The following TBK1 variants were observed in gnomAD, a reference collection of about 807,000 sequenced individuals.
TBK1 encodes TANK binding kinase 1.
In TBK1, 37 loss-of-function variants were observed where a neutral mutation model predicts 99.9. The ratio of observed to expected loss-of-function variants is 0.37; its 90% CI spans 0.28 to 0.49. TBK1 has a LOEUF of 0.49. TBK1 is among the 20% of genes least tolerant of loss of function. The pLI is 0.98. For synonymous variants in TBK1, 258 were observed against 279.8 expected (o/e 0.92, Z 0.78); for missense variants, 644 against 872.5 (o/e 0.74, Z 3.30).
intron 1 of TBK1, among the ~76,000 whole-genome samples, chr12:64,454,658 C>T (rs2040465126): frequency 7.1e-6 from 1 of 141,012 alleles, no homozygotes; most frequent in Admixed American, 7.2e-5. Context: ...TTGAATATTG[C>T]TAGAAACTCA....
intron 5 of TBK1, among the ~76,000 whole-genome samples, chr12:64,472,786 T>TA (rs561071338): frequency 1.3e-3 from 201 of 152,266 alleles, no homozygotes; most frequent in African/African-American, 4.5e-3. Flanking sequence ...TGAGCTATTT[T>TA]AAAAAAATCA....
intron 3 of TBK1, among the ~76,000 whole-genome samples, chr12:64,463,728 A>G (rs777110049): frequency 6.6e-6 from 1 of 151,484 alleles, no homozygotes; most frequent in Non-Finnish European, 1.5e-5. Context: ...GGAATTTAAG[A>G]TGATTTTAAC....
At chr12:64,468,282 C>A (rs2040626238) in intron 5 of TBK1, among the ~76,000 whole-genome samples, 1 of 152,096 alleles carries the variant, frequency 6.6e-6, no homozygotes, top group South Asian at 2.1e-4. Context: ...ATCACAAGTT[C>A]AGGAGTTTGA....
chr12:64,471,892 A>G (rs2040665872), intron 5 of TBK1, among the ~76,000 whole-genome samples: 1 of 152,098 alleles, frequency 6.6e-6, no homozygotes, highest in Non-Finnish European at 1.5e-5. Flanking sequence ...TAGGCAGTAT[A>G]TTATTGCACC....
intron 4 of TBK1, among the ~76,000 whole-genome samples, chr12:64,465,235 A>G (rs2040589629): frequency 9.3e-6 from 1 of 107,234 alleles, no homozygotes; most frequent in African/African-American, 3.6e-5. Context: ...ACAAAGCAAG[A>G]CTATCTCAAA....
Position 64,463,870 on chromosome 12 carries a change from G to T in TBK1, c.229-464G>T, listed in dbSNP as rs199784848. On this transcript the variant is annotated intron_variant, in intron 3 of 20. Coordinates refer to ENST00000331710, the MANE Select transcript of TBK1 (RefSeq NM_013254.4). Reference sequence around the variant, plus strand: ...TGGAAAATGTTAGTTTTTTTTTTTTGTTTTTTTTTTTTGAGATGGAGTCTC... The same window carrying T: ...TGGAAAATGTTAGTTTTTTTTTTTTTTTTTTTTTTTTTGAGATGGAGTCTC... 4.5e-3 allele frequency among the ~76,000 whole-genome samples: 619 copies of T among 137,818 alleles called. 1 individual carries two copies. The highest frequency in any genetic ancestry group is 0.014 in the African/African-American group (512 of 36,616). 90.4% of individuals were successfully genotyped at this position (137,818 alleles called of 152,430 possible). A position where few individuals can be genotyped will look rare whatever the true frequency, so the allele number is the denominator to read the frequency against.
chr12:64,456,944 A>C (rs1428138392), intron 2 of TBK1, among the ~76,000 whole-genome samples: 11 of 152,180 alleles, frequency 7.2e-5, no homozygotes, highest in Admixed American at 2.6e-4. Flanking sequence ...TAAACTTTCT[A>C]TTCTGGGAAA....
At position 64,459,391 on chromosome 12, in the gene TBK1, A is replaced by T. The variant is rs77459843; in HGVS notation, c.88-798A>T. ...TAAATATGATGTTTGCCTGAAATGT[A>T]AGCATGTGTTTTGAACCTCTAAGAT... On this transcript the variant is annotated intron_variant, in intron 2 of 20. Coordinates refer to ENST00000331710, the MANE Select transcript of TBK1 (RefSeq NM_013254.4). Among the ~76,000 whole-genome samples, 1,268 of 152,310 alleles carry T rather than the reference A, an allele frequency of 8.3e-3. 16 individuals are homozygous for T. Among genetic ancestry groups the T allele is most frequent in the African/African-American group, 0.028 (1,179 of 41,550 alleles).
chr12:64,474,032 G>A (rs2040687804), intron 5 of TBK1, among the ~76,000 whole-genome samples, 198 bp from the exon 6 acceptor site: 1 of 152,156 alleles, frequency 6.6e-6, no homozygotes, highest in Admixed American at 6.6e-5. Context: ...ATGAAGCAGG[G>A]TCATCAAAAC....
Position 64,490,055 on chromosome 12 carries a change from T to C in TBK1, c.1457T>C (p.Met486Thr). The change falls in exon 13 of 21, where the codon ATG becomes ACG. Residue 486 changes from methionine to threonine, a missense_variant. Physicochemically the swap from Met to Thr is moderately conservative, Grantham distance 81. This residue lies in a region of TBK1 where 465 missense variants were observed against 588.0 expected (regional missense o/e 0.79). Coordinates refer to ENST00000331710, the MANE Select transcript of TBK1 (RefSeq NM_013254.4). Reference sequence around the variant, plus strand: ...TTTTCATACAGATATGAAAAGTTGATGAAGATCAACCTGGAAGCGGCAGAG... The same window carrying C: ...TTTTCATACAGATATGAAAAGTTGACGAAGATCAACCTGGAAGCGGCAGAG... ...EKTVKVYEKL[M>T]KINLEAAELG... 6.2e-7 allele frequency: 1 copy of C among 1,608,854 alleles called. No individual in the cohort carries two copies. Among genetic ancestry groups the C allele is most frequent in the Non-Finnish European group, 8.5e-7 (1 of 1,177,368 alleles).
intron 3 of TBK1, 81 bp downstream of exon 3, chr12:64,460,410 T>A (rs940683519): frequency 3.7e-5 from 43 of 1,157,334 alleles, no homozygotes; most frequent in African/African-American, 4.7e-5. Flanking sequence ...ATGGATTTTT[T>A]AAAAAACTGT....
intron 6 of TBK1, among the ~76,000 whole-genome samples, chr12:64,475,298 G>A (rs2040701003): frequency 6.6e-6 from 1 of 151,080 alleles, no homozygotes; most frequent in African/African-American, 2.5e-5. Context: ...AGATTCAGAG[G>A]GTATGTGTGA....
chr12:64,497,917 T>G lies in TBK1; in HGVS notation c.2067-51T>G, dbSNP rs758013198. The G allele has an allele frequency of 2.0e-6, 3 of 1,527,982 alleles. No individual in the cohort carries two copies. In the Admixed American group the frequency reaches 5.2e-5, roughly 27 times the overall value. The allele number at this position is 1,527,982 out of a possible 1,614,324, so 94.7% of individuals were successfully genotyped here. A position where few individuals can be genotyped will look rare whatever the true frequency, so the allele number is the denominator to read the frequency against. On this transcript the variant is annotated intron_variant, in intron 19 of 20. Coordinates refer to ENST00000331710, the MANE Select transcript of TBK1 (RefSeq NM_013254.4). Reference sequence around the variant, plus strand: ...AGAAAATAAAACATAAACATCATTCTAAAACATTTGCATACTGTTTTTGAG... The same window carrying G: ...AGAAAATAAAACATAAACATCATTCGAAAACATTTGCATACTGTTTTTGAG...
chr12:64,472,585 T>C (rs1235735361), intron 5 of TBK1, among the ~76,000 whole-genome samples: 1 of 152,186 alleles, frequency 6.6e-6, no homozygotes, highest in Non-Finnish European at 1.5e-5. Context: ...AAAATGTCCA[T>C]CAGAATATCT....
intron 13 of TBK1, among the ~76,000 whole-genome samples, chr12:64,490,593 A>G (rs2040860049): frequency 6.6e-6 from 1 of 152,170 alleles, no homozygotes; most frequent in Non-Finnish European, 1.5e-5. Flanking sequence ...AAGTTCATAA[A>G]TGTAATTTCA....
chr12:64,464,499 T>A, intron 4 of TBK1, 36 bp downstream of exon 4: 1 of 1,447,274 alleles, frequency 6.9e-7, no homozygotes. Flanking sequence ...CATTTGTATA[T>A]AAAATTTAAT....
chr12:64,455,687 T>G (rs183037584), intron 1 of TBK1, among the ~76,000 whole-genome samples, 153 bp from the exon 2 acceptor site: 4 of 152,374 alleles, frequency 2.6e-5, no homozygotes, highest in Admixed American at 2.6e-4. Context: ...TGAAAATACT[T>G]TGAAACTTAA....
chr12:64,476,246 C>T (rs1290103988), intron 6 of TBK1, among the ~76,000 whole-genome samples: 1 of 148,724 alleles, frequency 6.7e-6, no homozygotes, highest in Non-Finnish European at 1.5e-5. Flanking sequence ...CAAGCTCCGC[C>T]TCCCTGGTTC....
intron 6 of TBK1, among the ~76,000 whole-genome samples, chr12:64,475,699 T>C (rs1455018470): frequency 1.3e-5 from 2 of 152,248 alleles, no homozygotes; most frequent in Non-Finnish European, 2.9e-5. Context: ...ATGATTTCAT[T>C]CTTTTTTATG....
Sources: gnomAD v4.1 joint callset for allele counts (sites outside exome capture counted in the v4.1 genomes callset) on GRCh38, gnomAD v4.1.1 for gene constraint, gnomAD v4.1.1 regional missense constraint, MANE v1.5 for transcripts, NCBI Gene and HGNC (gene_info 2026-07-23, HGNC 2026-07-21) for gene names.